The following MORN4 variants were observed in gnomAD, a reference collection of about 807,000 sequenced individuals.
MORN4 encodes the protein MORN repeat containing 4, also known as MORN repeat-containing protein 4.
In MORN4, 8 loss-of-function variants were observed where a neutral mutation model predicts 16.4. The ratio of observed to expected loss-of-function variants is 0.49; its 90% CI spans 0.29 to 0.88. MORN4 has a LOEUF of 0.88. MORN4 is among the 40% of genes least tolerant of loss of function. MORN4 has a pLI of 0.09. For synonymous variants in MORN4, 53 were observed against 68.9 expected (o/e 0.77, Z 1.14); for missense variants, 159 against 182.9 (o/e 0.87, Z 0.75).
intron 2 of MORN4, among the ~76,000 whole-genome samples, chr10:97,618,258 C>CTCTCTTCT (rs2041255600): frequency 4.3e-5 from 4 of 92,820 alleles, no homozygotes; most frequent in African/African-American, 1.3e-4. Flanking sequence ...AGCCTCTCTT[C>CTCTCTTCT]TTTTTTTTTT....
chr10:97,626,538 C>T (rs2041349315), intron 1 of MORN4, among the ~76,000 whole-genome samples: 1 of 150,948 alleles, frequency 6.6e-6, no homozygotes, highest in Non-Finnish European at 1.5e-5. Context: ...TCACTGCAAC[C>T]TCCACCTCCC....
At position 97,621,732 on chromosome 10, in the gene MORN4, G is replaced by A. The variant is rs895807592; in HGVS notation, c.-30-2049C>T. On this transcript the variant is annotated intron_variant, in intron 1 of 4. Transcript: ENST00000307450. Reference sequence around the variant, plus strand: ...TACAAAACATTAGCAGGGCGTGGTGGCGGGTGCCTGTAATCCCAGCTACTC... The same window carrying A: ...TACAAAACATTAGCAGGGCGTGGTGACGGGTGCCTGTAATCCCAGCTACTC... Among the ~76,000 whole-genome samples the A allele has an allele frequency of 3.3e-5, 5 of 152,100 alleles. No homozygotes were observed. In the South Asian group the frequency reaches 1.0e-3, roughly 32 times the overall value.
At chr10:97,616,572 C>T (rs1285491520) in intron 4 of MORN4, 106 bp downstream of exon 4, 28 of 1,229,734 alleles carry the variant, frequency 2.3e-5, no homozygotes, top group Middle Eastern at 1.9e-4. Flanking sequence ...GTGTCAGGGA[C>T]GGCCACTATG....
chr10:97,631,949 A>C (rs1228392534), intron 1 of MORN4, among the ~76,000 whole-genome samples: 1 of 101,742 alleles, frequency 9.8e-6, no homozygotes, highest in African/African-American at 3.6e-5. Context: ...CAAAAAAAAG[A>C]AAAGAAAAGC....
intron 1 of MORN4, among the ~76,000 whole-genome samples, chr10:97,626,075 T>C (rs1343043709): frequency 6.6e-6 from 1 of 151,818 alleles, no homozygotes; most frequent in Non-Finnish European, 1.5e-5. Flanking sequence ...CCTTTTTTTT[T>C]TTTTTTTTTA....
intron 2 of MORN4, among the ~76,000 whole-genome samples, chr10:97,618,512 A>C (rs553883884): frequency 3.3e-4 from 50 of 152,164 alleles, no homozygotes; most frequent in African/African-American, 1.1e-3. Context: ...AATCCCAGGC[A>C]TTTCTTCCTG....
At chr10:97,622,808 C>G (rs1045986516) in intron 1 of MORN4, among the ~76,000 whole-genome samples, 2 of 151,078 alleles carry the variant, frequency 1.3e-5, no homozygotes, top group Non-Finnish European at 2.9e-5. Flanking sequence ...AAATACAAGC[C>G]CTATTTCTTT....
At position 97,614,929 on chromosome 10, in the gene MORN4, C is replaced by T. The variant is rs368059286; in HGVS notation, c.*1334G>A. The T allele has an allele frequency of 1.3e-5, 2 of 152,604 alleles. No individual in the cohort carries two copies. The highest frequency in any genetic ancestry group is 2.9e-5 in the Non-Finnish European group (2 of 68,066). The allele number at this position is 152,604 out of a possible 1,614,324, so 9.5% of individuals were successfully genotyped here. A position where few individuals can be genotyped will look rare whatever the true frequency, so the allele number is the denominator to read the frequency against. ...TCCACTGGGAAGAAACTGTGTCAGC[C>T]CAAGCCATCCGTATGAATTCAGTTC... On this transcript the variant is annotated 3_prime_UTR_variant, in exon 5 of 5. Transcript: ENST00000307450.
intron 1 of MORN4, among the ~76,000 whole-genome samples, chr10:97,620,946 C>T (rs1474300161): frequency 3.3e-5 from 5 of 152,048 alleles, no homozygotes; most frequent in African/African-American, 9.7e-5. Context: ...CATGGTAAAA[C>T]CCCATCTCTA....
At position 97,633,462 on chromosome 10, in the gene MORN4, A is replaced by G; in HGVS notation, c.-146T>C. ...TTGCTCTCCGCCACCTCCACCAGCGATTGCCCCACTTGACGCCGCCATCCT... is the reference window on the plus strand; with the variant it reads ...TTGCTCTCCGCCACCTCCACCAGCGGTTGCCCCACTTGACGCCGCCATCCT... On this transcript the variant is annotated 5_prime_UTR_variant, in exon 1 of 5. Coordinates refer to ENST00000307450, the MANE Select transcript of MORN4 (RefSeq NM_178832.4). This position sits in a 1 kb window ranked among gnomAD's most constrained non-coding sequence, Gnocchi z 4.5. 7.8e-7 allele frequency: 1 copy of G among 1,289,822 alleles called. No individual in the cohort carries two copies. Among genetic ancestry groups the G allele is most frequent in the Non-Finnish European group, 1.0e-6 (1 of 988,874 alleles). The allele number at this position is 1,289,822 out of a possible 1,614,324, so 79.9% of individuals were successfully genotyped here.
Position 97,615,176 on chromosome 10 carries a change from G to C in MORN4, c.*1087C>G, listed in dbSNP as rs2041225326. The C allele has an allele frequency of 1.3e-5, 2 of 152,602 alleles. No homozygotes were observed. Among genetic ancestry groups the C allele is most frequent in the Non-Finnish European group, 2.9e-5 (2 of 68,066 alleles). The allele number at this position is 152,602 out of a possible 1,614,324, so 9.5% of individuals were successfully genotyped here. ...TGTCTTCTAAAGGGAGGAGGAAATA[G>C]CACTCTTACCGAATCCTTCACGGGG... On this transcript the variant is annotated 3_prime_UTR_variant, in exon 5 of 5. Transcript: ENST00000307450.
chr10:97,618,651 G>A (rs1589918177), intron 2 of MORN4, among the ~76,000 whole-genome samples: 1 of 152,104 alleles, frequency 6.6e-6, no homozygotes, highest in East Asian at 1.9e-4. Context: ...GATTACTCCT[G>A]CAACATCTTG....
chr10:97,633,858 C>T (rs1404254863), upstream of MORN4, among the ~76,000 whole-genome samples: 1 of 152,246 alleles, frequency 6.6e-6, no homozygotes, highest in Non-Finnish European at 1.5e-5. The surrounding 1 kb of genome is among the most constrained non-coding windows in gnomAD (Gnocchi z 4.5). Flanking sequence ...TTCAGAGAGG[C>T]AGCTTTGTAA....
chr10:97,624,025 C>T (rs532670132), intron 1 of MORN4, among the ~76,000 whole-genome samples: 53 of 152,146 alleles, frequency 3.5e-4, no homozygotes, highest in African/African-American at 1.1e-3. Flanking sequence ...CATGAGCCAC[C>T]GTGCCTGGCC....
At chr10:97,618,615 TC>T (rs2041260634) in intron 2 of MORN4, among the ~76,000 whole-genome samples, 1 of 152,024 alleles carries the variant, frequency 6.6e-6, no homozygotes, top group South Asian at 2.1e-4. Flanking sequence ...CCACAAGAAC[TC>T]CCTTGAATTC....
Position 97,622,693 on chromosome 10 carries a change from CA to C in MORN4, c.-30-3011del, listed in dbSNP as rs1322656539. ...TGGGCGACAGAGGGAGACCCTGTCT[CA>C]AAAAAAAAAAAAAAAACGGAAGAAG... On this transcript the variant is annotated intron_variant, in intron 1 of 4. Transcript: ENST00000307450. Among the ~76,000 whole-genome samples the C allele has an allele frequency of 6.5e-3, 364 of 55,858 alleles. 2 individuals carry two copies. Among genetic ancestry groups the C allele is most frequent in the Middle Eastern group, 0.036 (4 of 112 alleles). The allele number at this position is 55,858 out of a possible 152,430, so 36.6% of individuals were successfully genotyped here. A position where few individuals can be genotyped will look rare whatever the true frequency, so the allele number is the denominator to read the frequency against.
At chr10:97,626,085 A>T (rs73334511) in intron 1 of MORN4, among the ~76,000 whole-genome samples, 47,059 of 145,592 alleles carry the variant, frequency 0.32, 9,524 homozygotes, top group African/African-American at 0.58. Flanking sequence ...TTTTTTTTTT[A>T]AAGAGAACAA....
At chr10:97,621,123 GAAATAAATAAAT>G (rs35172768) in intron 1 of MORN4, among the ~76,000 whole-genome samples, 3 of 149,664 alleles carry the variant, frequency 2.0e-5, no homozygotes, top group Non-Finnish European at 3.0e-5. Context: ...TCTGTCTCGA[GAAATAAATAAAT>G]AAATAAATAA....
chr10:97,631,340 A>G (rs1025668568), intron 1 of MORN4, among the ~76,000 whole-genome samples: 3 of 152,206 alleles, frequency 2.0e-5, no homozygotes, highest in Admixed American at 2.0e-4. Flanking sequence ...GTTGCAAAGG[A>G]TCAGTCCAAA....
Sources: gnomAD v4.1 joint callset for allele counts (sites outside exome capture counted in the v4.1 genomes callset) on GRCh38, gnomAD v4.1.1 for gene constraint, Gnocchi (gnomAD v3.1) non-coding constraint, MANE v1.5 for transcripts, NCBI Gene and HGNC (gene_info 2026-07-23, HGNC 2026-07-21) for gene names.